The following BRINP1 variants were observed in gnomAD, a reference collection of about 807,000 sequenced individuals.
BRINP1 encodes the protein BMP/retinoic acid inducible neural specific 1.
In BRINP1, 17 loss-of-function variants were observed where a neutral mutation model predicts 72.9. The observed-to-expected ratio is 0.23, with a 90% CI of 0.16 to 0.35. The LOEUF (loss-of-function observed/expected upper bound fraction) is 0.35, where lower values mean the gene tolerates loss of function less well. Among genes scored for constraint, BRINP1 ranks in the 10% least tolerant of loss-of-function variants. The pLI is 1.00. For synonymous variants in BRINP1, 418 were observed against 378.5 expected, an observed-to-expected ratio of 1.10 and a Z score of -1.21; for missense variants, 850 against 1,001.6, an observed-to-expected ratio of 0.85 and a Z score of 2.04.
At chr9:119,262,284 A>T (rs1232326016) in intron 2 of BRINP1, among the ~76,000 whole-genome samples, 1 of 152,090 alleles carries the variant, frequency 6.6e-6, no homozygotes, top group Admixed American at 6.6e-5. Flanking sequence ...AAACTGCATC[A>T]TATTTCTTAC....
chr9:119,201,766 C>T (rs1829807435), intron 7 of BRINP1, among the ~76,000 whole-genome samples: 1 of 152,158 alleles, frequency 6.6e-6, no homozygotes, highest in East Asian at 1.9e-4. Flanking sequence ...CTTTAAATGC[C>T]TTTCAGTGGC....
At chr9:119,355,042 T>G (rs1461708939) in intron 1 of BRINP1, among the ~76,000 whole-genome samples, 1 of 152,190 alleles carries the variant, frequency 6.6e-6, no homozygotes, top group East Asian at 1.9e-4. Flanking sequence ...CTCCCCTGCT[T>G]TGACTCCTGT....
At chr9:119,323,423 G>GA (rs1831209799) in intron 1 of BRINP1, among the ~76,000 whole-genome samples, 1 of 152,194 alleles carries the variant, frequency 6.6e-6, no homozygotes, top group Admixed American at 6.5e-5. Context: ...ACCTACAAGG[G>GA]AAAACTGGGT....
At chr9:119,294,481 A>C (rs1830853373) in intron 2 of BRINP1, among the ~76,000 whole-genome samples, 1 of 152,108 alleles carries the variant, frequency 6.6e-6, no homozygotes, top group African/African-American at 2.4e-5. Flanking sequence ...AGCCGAGATC[A>C]TACCACTGCA....
chr9:119,230,539 G>A (rs1316001423), intron 5 of BRINP1, among the ~76,000 whole-genome samples: 1 of 151,946 alleles, frequency 6.6e-6, no homozygotes, highest in East Asian at 1.9e-4. Context: ...GGACATTTGT[G>A]CTTGGCATTG....
chr9:119,222,799 A>G (rs1830052972), intron 5 of BRINP1, among the ~76,000 whole-genome samples: 1 of 152,174 alleles, frequency 6.6e-6, no homozygotes, highest in South Asian at 2.1e-4. Context: ...AGCTTAATTT[A>G]TGAAATCACC....
intron 1 of BRINP1, among the ~76,000 whole-genome samples, chr9:119,366,498 A>G (rs2031379): frequency 0.95 from 137,734 of 144,680 alleles, 65,765 homozygotes; most frequent in East Asian, 1. Flanking sequence ...TCCTCCCCCC[A>G]CCACCGTGTG....
chr9:119,208,588 G>A, intron 7 of BRINP1, 131 bp downstream of exon 7: 1 of 850,430 alleles, frequency 1.2e-6, no homozygotes, highest in South Asian at 1.6e-5. Flanking sequence ...AAAATTGTTG[G>A]TCTGGACCAT....
At chr9:119,258,716 C>T (rs1406816292) in intron 2 of BRINP1, among the ~76,000 whole-genome samples, 1 of 152,168 alleles carries the variant, frequency 6.6e-6, no homozygotes, top group African/African-American at 2.4e-5. Flanking sequence ...TCTACTCTGA[C>T]CCACTGTCTT....
intron 7 of BRINP1, among the ~76,000 whole-genome samples, chr9:119,178,361 A>C (rs1180778123): frequency 1.3e-5 from 2 of 152,198 alleles, no homozygotes; most frequent in African/African-American, 4.8e-5. Flanking sequence ...CAGGTCAACA[A>C]ACTTTCTTTT....
intron 2 of BRINP1, among the ~76,000 whole-genome samples, chr9:119,285,069 C>G (rs908690700): frequency 1.1e-4 from 16 of 152,016 alleles, no homozygotes; most frequent in Admixed American, 2.0e-4. Flanking sequence ...TAGCTTGTCC[C>G]GGGTTCATTT....
intron 5 of BRINP1, among the ~76,000 whole-genome samples, chr9:119,236,760 A>C (rs1406110521): frequency 6.6e-6 from 1 of 152,126 alleles, no homozygotes; most frequent in Non-Finnish European, 1.5e-5. Flanking sequence ...CTTTCTTAAC[A>C]GGCATTAGTA....
chr9:119,335,662 A>G (rs908909316), intron 1 of BRINP1, among the ~76,000 whole-genome samples: 5 of 152,218 alleles, frequency 3.3e-5, no homozygotes, highest in African/African-American at 1.2e-4. Flanking sequence ...GATTCATTCA[A>G]CAGGTGCTTA....
At chr9:119,238,794 C>T (rs2118908901) in intron 4 of BRINP1, 34 bp from the exon 5 acceptor site, 2 of 1,414,578 alleles carry the variant, frequency 1.4e-6, no homozygotes, top group East Asian at 2.4e-5. Flanking sequence ...AGGTGTGAGA[C>T]AGCAGTCCTT....
At chr9:119,335,145 G>C (rs1351450607) in intron 1 of BRINP1, among the ~76,000 whole-genome samples, 2 of 152,180 alleles carry the variant, frequency 1.3e-5, no homozygotes, top group Admixed American at 1.3e-4. Context: ...AAAAGGCTCA[G>C]ATAATTTACA....
At chr9:119,275,072 G>A (rs1830643387) in intron 2 of BRINP1, among the ~76,000 whole-genome samples, 1 of 152,136 alleles carries the variant, frequency 6.6e-6, no homozygotes, top group Non-Finnish European at 1.5e-5. Flanking sequence ...TAAAACCAGA[G>A]CTTGGATTTG....
At chr9:119,306,243 C>T (rs1830997058) in intron 2 of BRINP1, among the ~76,000 whole-genome samples, 2 of 152,124 alleles carry the variant, frequency 1.3e-5, no homozygotes, top group Non-Finnish European at 2.9e-5. Flanking sequence ...TGTAAACGTA[C>T]CAATTTGGTA....
At chr9:119,367,439 G>A (rs929537365) in intron 1 of BRINP1, among the ~76,000 whole-genome samples, 3 of 151,772 alleles carry the variant, frequency 2.0e-5, no homozygotes, top group Non-Finnish European at 2.9e-5. Flanking sequence ...AACAGCTGCC[G>A]AGTCTGGAAG....
At chr9:119,327,317 G>T (rs1831250370) in intron 1 of BRINP1, among the ~76,000 whole-genome samples, 1 of 152,104 alleles carries the variant, frequency 6.6e-6, no homozygotes, top group Non-Finnish European at 1.5e-5. Context: ...CCTTCAACAG[G>T]CAGGCCCCAG....
Sources: allele counts gnomAD v4.1 joint callset (sites outside exome capture counted in the v4.1 genomes callset), GRCh38; gene constraint gnomAD v4.1.1; transcripts MANE v1.5; gene names NCBI Gene and HGNC (gene_info 2026-07-23, HGNC 2026-07-21).